Variants in ZNF280D observed in about 807,000 individuals in gnomAD.
ZNF280D encodes the protein zinc finger protein 280D.
ZNF280D carries 39 observed loss-of-function variants against 94.7 expected under a neutral mutation model. The observed-to-expected ratio is 0.41, with a 90% CI of 0.32 to 0.54. The LOEUF (loss-of-function observed/expected upper bound fraction) is 0.54. ZNF280D is among the 20% of genes least tolerant of loss of function. ZNF280D has a pLI of 0.22. For synonymous variants in ZNF280D, 398 were observed against 377.6 expected, an observed-to-expected ratio of 1.05 and a Z score of -0.63; for missense variants, 1,090 against 1,149.3, an observed-to-expected ratio of 0.95 and a Z score of 0.75.
Position 56,631,965 on chromosome 15 carries a change from C to T in ZNF280D, c.2473G>A (p.Val825Ile), listed in dbSNP as rs142431877. 358 of 1,613,958 alleles carry T rather than the reference C, an allele frequency of 2.2e-4. 3 individuals carry two copies. Among genetic ancestry groups the T allele is most frequent in the South Asian group, 2.0e-3 (183 of 91,082 alleles). Residue 825 changes from valine (V) to isoleucine (I), a missense_variant, in exon 22 of 22, where the codon GTC becomes ATC. Around this residue, in one of 3 missense-constraint regions of ZNF280D, gnomAD observed 577 missense variants for 568.8 expected, o/e 1.01. Coordinates refer to ENST00000267807, the MANE Select transcript of ZNF280D (RefSeq NM_017661.4). ...GCACCAATATTTGAATCACAACTGA[C>T]GATGTTTTTTGAGCCAGTTTCCTGG... ...ADQETGSKNI[V>I]SCDSNIGADK...
chr15:56,700,261 A>C (rs1320289341), intron 6 of ZNF280D: 4 of 740,862 alleles, frequency 5.4e-6, no homozygotes, highest in Non-Finnish European at 6.6e-6. Flanking sequence ...TCCCAGATCC[A>C]TCAACTGCCA....
intron 21 of ZNF280D, among the ~76,000 whole-genome samples, chr15:56,633,800 A>G (rs2052210897): frequency 6.6e-6 from 1 of 152,146 alleles, no homozygotes; most frequent in Admixed American, 6.6e-5. Context: ...AAAACCTAGT[A>G]TGTTATCCAG....
At chr15:56,646,202 T>C (rs564209620) in intron 19 of ZNF280D, among the ~76,000 whole-genome samples, 3 of 152,220 alleles carry the variant, frequency 2.0e-5, no homozygotes, top group East Asian at 1.9e-4. Context: ...AATGGGAGGA[T>C]AGCTTGAGAC....
chr15:56,682,772 A>G (rs959066326), intron 9 of ZNF280D, among the ~76,000 whole-genome samples: 5 of 152,054 alleles, frequency 3.3e-5, no homozygotes, highest in Non-Finnish European at 5.9e-5. Flanking sequence ...TTAGATGTAA[A>G]TATTTAATAA....
At chr15:56,699,471 C>A (rs1354452987) in intron 6 of ZNF280D, 2 of 845,026 alleles carry the variant, frequency 2.4e-6, no homozygotes, top group East Asian at 2.5e-4. Context: ...AATCTATACC[C>A]AGTTCAAACT....
rs140547207 is a variant in ZNF280D at position 56,726,085 on chromosome 15, A to C, written c.-86+7373T>G. 2.7e-3 allele frequency among the ~76,000 whole-genome samples: 406 copies of C among 152,256 alleles called. 2 individuals carry two copies. The highest frequency in any genetic ancestry group is 0.017 in the Middle Eastern group (5 of 294). ...TTATTATGAAGGGTCTCTGAAGGTA[A>C]AGCTTGGAAGAAAGGTTTAAGAAAA... is the stretch of plus-strand genomic sequence containing the variant. On this transcript the variant is annotated intron_variant, in intron 1 of 21. Coordinates refer to ENST00000267807, the MANE Select transcript of ZNF280D (RefSeq NM_017661.4).
At chr15:56,688,026 CT>C (rs2056151550) in intron 9 of ZNF280D, among the ~76,000 whole-genome samples, 1 of 152,022 alleles carries the variant, frequency 6.6e-6, no homozygotes, top group South Asian at 2.1e-4. Context: ...TCTACACTGC[CT>C]TTTTTCTGAT....
At chr15:56,645,456 A>G (rs1434071227) in intron 19 of ZNF280D, 1 of 152,168 alleles carries the variant, frequency 6.6e-6, no homozygotes, top group Non-Finnish European at 1.5e-5. Context: ...GATCTTTCTG[A>G]TGTATTTCTA....
At chr15:56,637,257 C>T (rs1024589068) in intron 20 of ZNF280D, among the ~76,000 whole-genome samples, 8 of 151,406 alleles carry the variant, frequency 5.3e-5, no homozygotes, top group East Asian at 1.9e-4. Context: ...ACTGCAACCT[C>T]GAACTCCTAA....
intron 4 of ZNF280D, among the ~76,000 whole-genome samples, chr15:56,703,409 G>C (rs1273870352): frequency 6.6e-6 from 1 of 152,198 alleles, no homozygotes; most frequent in Non-Finnish European, 1.5e-5. Flanking sequence ...GCCACGTATA[G>C]ATGACATTGC....
intron 7 of ZNF280D, 74 bp from the exon 8 acceptor site, chr15:56,689,544 T>G: frequency 1.0e-6 from 1 of 954,558 alleles, no homozygotes. Flanking sequence ...AAAAATATTT[T>G]GGAGCTAAAT....
intron 19 of ZNF280D, chr15:56,645,316 T>A (rs2052826595): frequency 6.6e-6 from 1 of 152,180 alleles, no homozygotes; most frequent in South Asian, 2.1e-4. Flanking sequence ...TATAGTGTAG[T>A]ATTTATAGCA....
rs188029427 is a variant in ZNF280D at position 56,630,623 on chromosome 15, T to A, written c.*875A>T. 1.3e-5 allele frequency: 2 copies of A among 152,280 alleles called. No homozygotes were observed. Among genetic ancestry groups the A allele is most frequent in the African/African-American group, 4.8e-5 (2 of 41,578 alleles). The allele number at this position is 152,280 out of a possible 1,614,324, so 9.4% of individuals were successfully genotyped here. ...CATTATACCATACTTTGGTTTGGCTTCCAGACCATTTTTATGGGCCTATTT... is the reference window on the plus strand; with the variant it reads ...CATTATACCATACTTTGGTTTGGCTACCAGACCATTTTTATGGGCCTATTT... On this transcript the variant is annotated 3_prime_UTR_variant, in exon 22 of 22. Transcript: ENST00000267807.
In ZNF280D at chr15:56,689,119, A is replaced by G. The variant is rs2056256293; in HGVS notation, c.702T>C (p.Asn234=). 1 of 1,610,704 alleles carries G rather than the reference A, an allele frequency of 6.2e-7. No homozygotes were observed. Among genetic ancestry groups the G allele is most frequent in the African/African-American group, 1.3e-5 (1 of 74,934 alleles). The change falls in exon 9 of 22, where the codon AAT becomes AAC. Residue 234 remains asparagine, a synonymous_variant. Coordinates refer to ENST00000267807, the MANE Select transcript of ZNF280D (RefSeq NM_017661.4). ...GTNTSSNQSK[N]GTPFPRACPK... is the part of the protein sequence containing the mutation. ...GACAAGCTCTTGGAAAAGGTGTTCC[A>G]TTTTTAGACTGATTTGATGAGGTAT...
intron 19 of ZNF280D, chr15:56,653,469 GAGCA>G (rs1483648941): frequency 6.7e-7 from 1 of 1,501,604 alleles, no homozygotes; most frequent in Non-Finnish European, 8.8e-7. Context: ...CACAACCTAA[GAGCA>G]GGTCCCACAG....
Position 56,654,491 on chromosome 15 carries a change from T to C in ZNF280D, c.2070A>G (p.Leu690=), listed in dbSNP as rs142540961. 124 of 1,585,582 alleles carry C rather than the reference T, an allele frequency of 7.8e-5. 1 individual carries two copies. The highest frequency in any genetic ancestry group is 1.0e-4 in the Non-Finnish European group (120 of 1,172,166). ...KHSENLRGIT[L]VCLNCDFLSD... is the part of the protein sequence containing the mutation. The stretch of plus-strand genomic sequence containing the variant: ...TTAGGAAATCACAATTAAGGCACAC[T>C]AGAGTAATGCCCCTAAAAAAAAAAG... Residue 690 remains leucine (L), a synonymous_variant, in exon 18 of 22, where the codon CTA becomes CTG. Coordinates refer to ENST00000267807, the MANE Select transcript of ZNF280D (RefSeq NM_017661.4).
chr15:56,689,247 A>G (rs1596508634), intron 8 of ZNF280D, 53 bp downstream of exon 8: 1 of 1,559,364 alleles, frequency 6.4e-7, no homozygotes, highest in South Asian at 1.2e-5. Context: ...CCACTTCAAA[A>G]ATGTATGTAT....
chr15:56,692,917 A>G (rs1425955881), intron 7 of ZNF280D, among the ~76,000 whole-genome samples, 181 bp downstream of exon 7: 6 of 152,150 alleles, frequency 3.9e-5, no homozygotes, highest in Non-Finnish European at 8.8e-5. Flanking sequence ...ATATTCTGTC[A>G]TTAAATAGGA....
intron 1 of ZNF280D, among the ~76,000 whole-genome samples, chr15:56,712,773 C>T (rs2057838288): frequency 7.7e-6 from 1 of 129,780 alleles, no homozygotes. Context: ...TGGAGTCTTG[C>T]TCTGTTGCTC....
Sources: gnomAD v4.1 joint callset for allele counts (sites outside exome capture counted in the v4.1 genomes callset) on GRCh38, gnomAD v4.1.1 for gene constraint, gnomAD v4.1.1 regional missense constraint, MANE v1.5 for transcripts, NCBI Gene and HGNC (gene_info 2026-07-23, HGNC 2026-07-21) for gene names.